WWOX: variants seen among roughly 807,000 people sequenced by gnomAD.
WWOX encodes the protein WW domain containing oxidoreductase, also known as WW domain-containing oxidoreductase.
Under a neutral mutation model 46.2 loss-of-function variants are expected in WWOX, and 69 were observed. That is an observed-to-expected ratio of 1.49 (90% confidence interval 1.23 to 1.82). The LOEUF is 1.82. WWOX is among the 40% of genes most tolerant of loss of function. WWOX has a pLI of 0.00. For missense variants in WWOX, 919 were observed against 542.6 expected (o/e 1.69, Z -6.89); for synonymous variants, 359 against 202.6 (o/e 1.77, Z -6.56).
chr16:79,025,376 A>C (rs2047617326), intron 8 of WWOX, among the ~76,000 whole-genome samples: 1 of 152,214 alleles, frequency 6.6e-6, no homozygotes, highest in African/African-American at 2.4e-5. Context: ...CTTTGCAGAT[A>C]AGTTCAGTTG....
At chr16:78,729,060 C>T (rs769311685) in intron 8 of WWOX, among the ~76,000 whole-genome samples, 1 of 152,104 alleles carries the variant, frequency 6.6e-6, no homozygotes, top group Non-Finnish European at 1.5e-5. Flanking sequence ...TAAAGACATC[C>T]TGCTGGTTTC....
At chr16:78,781,412 C>T (rs2050320803) in intron 8 of WWOX, among the ~76,000 whole-genome samples, 1 of 152,176 alleles carries the variant, frequency 6.6e-6, no homozygotes, top group African/African-American at 2.4e-5. Context: ...CCCCTCCCAC[C>T]TCTAGCCCAC....
chr16:78,112,675 G>GTTTT (rs199790066), intron 3 of WWOX, among the ~76,000 whole-genome samples: 1 of 129,218 alleles, frequency 7.7e-6, no homozygotes. Flanking sequence ...TGTTGAAAAT[G>GTTTT]TTTTTTTTTT....
intron 8 of WWOX, among the ~76,000 whole-genome samples, chr16:78,699,230 G>A (rs1400941190): frequency 2.0e-5 from 3 of 152,184 alleles, no homozygotes; most frequent in African/African-American, 7.2e-5. Context: ...GCCTAACTCA[G>A]TTAAACATTA....
At chr16:78,630,403 G>T (rs1272700442) in intron 8 of WWOX, among the ~76,000 whole-genome samples, 3 of 152,130 alleles carry the variant, frequency 2.0e-5, no homozygotes, top group Non-Finnish European at 4.4e-5. Context: ...GGGCTCATGT[G>T]GAATACCTGC....
intron 8 of WWOX, among the ~76,000 whole-genome samples, chr16:78,632,100 A>T (rs1344494061): frequency 6.6e-6 from 1 of 152,206 alleles, no homozygotes; most frequent in Admixed American, 6.5e-5. Context: ...CAAATTCGCA[A>T]GGAGCTGCTT....
intron 8 of WWOX, among the ~76,000 whole-genome samples, chr16:78,883,902 A>C (rs1004909948): frequency 6.6e-6 from 1 of 151,428 alleles, no homozygotes; most frequent in Non-Finnish European, 1.5e-5. Flanking sequence ...AAACCTCTTT[A>C]TGATAGTAAC....
chr16:79,115,422 C>T (rs2049496698), intron 8 of WWOX, among the ~76,000 whole-genome samples: 1 of 147,784 alleles, frequency 6.8e-6, no homozygotes, highest in South Asian at 2.2e-4. Context: ...ACAGGAAGCC[C>T]AGAGTGAAGC....
chr16:78,811,483 C>G (rs551776412), intron 8 of WWOX, among the ~76,000 whole-genome samples: 1 of 151,322 alleles, frequency 6.6e-6, no homozygotes, highest in Non-Finnish European at 1.5e-5. Flanking sequence ...TGTCCTTTCT[C>G]TCTCCCTCCC....
At chr16:78,648,584 A>G (rs571127720) in intron 8 of WWOX, among the ~76,000 whole-genome samples, 8 of 152,102 alleles carry the variant, frequency 5.3e-5, no homozygotes, top group Non-Finnish European at 1.2e-4. Context: ...TTTTTGCTAA[A>G]TTTTGTCCCC....
intron 8 of WWOX, among the ~76,000 whole-genome samples, chr16:79,172,332 C>A (rs1334985820): frequency 1.3e-5 from 2 of 152,220 alleles, no homozygotes; most frequent in African/African-American, 4.8e-5. Flanking sequence ...GAAGCGCGGA[C>A]TTCAGATTTG....
intron 1 of WWOX, chr16:78,100,108 C>G (rs1402328235): frequency 7.3e-7 from 1 of 1,375,480 alleles, no homozygotes. Flanking sequence ...TCCCGGCGCG[C>G]CCTCTGCTGT....
chr16:78,553,513 G>A (rs1299506342), intron 8 of WWOX, among the ~76,000 whole-genome samples: 1 of 152,010 alleles, frequency 6.6e-6, no homozygotes, highest in Non-Finnish European at 1.5e-5. Flanking sequence ...TGGTTGGTTT[G>A]CATTTGAACT....
chr16:78,384,303 C>T (rs769434130), intron 5 of WWOX, among the ~76,000 whole-genome samples: 3 of 152,012 alleles, frequency 2.0e-5, no homozygotes, highest in African/African-American at 4.8e-5. Context: ...CCAAGTAAAA[C>T]GAGGCAGGGA....
chr16:78,252,330 C>T (rs2038005485), intron 5 of WWOX, among the ~76,000 whole-genome samples: 1 of 152,074 alleles, frequency 6.6e-6, no homozygotes, highest in African/African-American at 2.4e-5. Context: ...ATATATTTGT[C>T]AGATGGAGGT....
intron 8 of WWOX, among the ~76,000 whole-genome samples, chr16:79,073,116 T>A (rs935072208): frequency 6.6e-6 from 1 of 151,042 alleles, no homozygotes; most frequent in African/African-American, 2.4e-5. Flanking sequence ...ATAAAAGAGC[T>A]TTCTATCGCT....
At chr16:78,376,362 A>G (rs1038877257) in intron 5 of WWOX, among the ~76,000 whole-genome samples, 4 of 152,180 alleles carry the variant, frequency 2.6e-5, no homozygotes, top group African/African-American at 9.7e-5. Context: ...AAGTTGCACG[A>G]TGTTTTTACA....
chr16:78,779,733 A>G (rs556010884), intron 8 of WWOX, among the ~76,000 whole-genome samples: 2 of 152,270 alleles, frequency 1.3e-5, no homozygotes, highest in South Asian at 4.2e-4. Flanking sequence ...CCTAACCAGG[A>G]TGTGAGAGAC....
At chr16:79,065,289 A>G (rs1345986272) in intron 8 of WWOX, among the ~76,000 whole-genome samples, 2 of 152,216 alleles carry the variant, frequency 1.3e-5, no homozygotes, top group Non-Finnish European at 2.9e-5. Flanking sequence ...TTTAATTAAC[A>G]CAAGTCCAGC....
Sources: allele counts gnomAD v4.1 joint callset (sites outside exome capture counted in the v4.1 genomes callset), GRCh38; gene constraint gnomAD v4.1.1; transcripts MANE v1.5; gene names NCBI Gene and HGNC (gene_info 2026-07-23, HGNC 2026-07-21).